ROBO2: variants seen among roughly 807,000 people sequenced by gnomAD.
ROBO2 encodes the protein roundabout homolog 2.
Under a neutral mutation model 160.8 loss-of-function variants are expected in ROBO2, and 53 were observed. The ratio of observed to expected loss-of-function variants is 0.33; its 90% confidence interval spans 0.26 to 0.41. The LOEUF is 0.41. Among genes scored for constraint, ROBO2 ranks in the 10% least tolerant of loss-of-function variants. ROBO2 has a pLI of 1.00. For synonymous variants in ROBO2, 664 were observed against 611.7 expected (o/e 1.09, Z -1.26); for missense variants, 1,577 against 1,722.4 (o/e 0.92, Z 1.49).
At chr3:77,534,887 T>A (rs1164554987) in intron 6 of ROBO2, among the ~76,000 whole-genome samples, 1 of 152,180 alleles carries the variant, frequency 6.6e-6, no homozygotes, top group Admixed American at 6.5e-5. Flanking sequence ...GGCACACAAA[T>A]GTTGGTGCAG....
At chr3:77,472,822 G>T (rs1582246225) in intron 2 of ROBO2, among the ~76,000 whole-genome samples, 1 of 152,150 alleles carries the variant, frequency 6.6e-6, no homozygotes, top group South Asian at 2.1e-4. Context: ...TCTGAAAGAT[G>T]AAAGATAAAT....
intron 2 of ROBO2, among the ~76,000 whole-genome samples, chr3:76,770,095 T>G (rs2061797452): frequency 6.6e-6 from 1 of 151,488 alleles, no homozygotes; most frequent in Non-Finnish European, 1.5e-5. Flanking sequence ...CTTTTTAAAT[T>G]ACCATCATGT....
chr3:76,421,556 G>A (rs56911591), intron 2 of ROBO2, among the ~76,000 whole-genome samples: 3 of 150,738 alleles, frequency 2.0e-5, no homozygotes, highest in Non-Finnish European at 2.9e-5. Flanking sequence ...GAGAAACCCC[G>A]TCTCCACTAA....
At chr3:76,508,460 T>C (rs2080908676) in intron 2 of ROBO2, among the ~76,000 whole-genome samples, 1 of 152,178 alleles carries the variant, frequency 6.6e-6, no homozygotes, top group Admixed American at 6.6e-5. Flanking sequence ...CTACTCAATC[T>C]ATTTTCTCCT....
At chr3:77,270,244 A>G (rs1365880305) in intron 2 of ROBO2, among the ~76,000 whole-genome samples, 5 of 152,196 alleles carry the variant, frequency 3.3e-5, no homozygotes, top group African/African-American at 9.6e-5. Context: ...TAAAACACCT[A>G]TGGCTGTTGG....
intron 2 of ROBO2, among the ~76,000 whole-genome samples, chr3:75,944,730 T>G (rs989991455): frequency 1.3e-5 from 2 of 152,224 alleles, no homozygotes; most frequent in African/African-American, 4.8e-5. Flanking sequence ...TATCAAAGCA[T>G]GAACTGTTTT....
chr3:76,205,845 G>A (rs1702776867), intron 2 of ROBO2, among the ~76,000 whole-genome samples: 1 of 152,106 alleles, frequency 6.6e-6, no homozygotes, highest in Non-Finnish European at 1.5e-5. Flanking sequence ...GTCACTGATA[G>A]AAAAGGAAGC....
chr3:76,995,936 G>A (rs1167539764), intron 2 of ROBO2, among the ~76,000 whole-genome samples: 2 of 152,140 alleles, frequency 1.3e-5, no homozygotes, highest in African/African-American at 2.4e-5. Flanking sequence ...CTTTTGCTGT[G>A]CAGAAGCTCT....
chr3:76,424,222 T>C (rs1401840437), intron 2 of ROBO2, among the ~76,000 whole-genome samples: 1 of 152,198 alleles, frequency 6.6e-6, no homozygotes, highest in Non-Finnish European at 1.5e-5. Flanking sequence ...ACTTATACGT[T>C]TAAATTATGC....
At chr3:77,511,458 C>T in intron 5 of ROBO2, among the ~76,000 whole-genome samples, 1 of 151,974 alleles carries the variant, frequency 6.6e-6, no homozygotes, top group East Asian at 1.9e-4. Context: ...GTCTTTTGGG[C>T]CTAGTTACCT....
At chr3:77,530,007 T>C (rs1383604000) in intron 6 of ROBO2, among the ~76,000 whole-genome samples, 1 of 151,914 alleles carries the variant, frequency 6.6e-6, no homozygotes, top group Non-Finnish European at 1.5e-5. Context: ...GGTCAAAAAG[T>C]ATAAGCCAAG....
At chr3:76,021,524 C>T (rs2066574009) in intron 2 of ROBO2, among the ~76,000 whole-genome samples, 1 of 151,680 alleles carries the variant, frequency 6.6e-6, no homozygotes, top group Non-Finnish European at 1.5e-5. Context: ...GATATACAGG[C>T]GTACCTTGGA....
intron 2 of ROBO2, among the ~76,000 whole-genome samples, chr3:77,451,921 C>T (rs2081156291): frequency 1.3e-5 from 2 of 152,040 alleles, no homozygotes; most frequent in Non-Finnish European, 2.9e-5. Context: ...TATCCCTCCC[C>T]CAACCATCCC....
intron 16 of ROBO2, among the ~76,000 whole-genome samples, chr3:77,583,324 C>T (rs2153679318): frequency 6.6e-6 from 1 of 151,840 alleles, no homozygotes; most frequent in African/African-American, 2.4e-5. Context: ...TTAAAGTTGT[C>T]CCTGTTTCTT....
chr3:77,396,008 C>T (rs2075249039), intron 2 of ROBO2, among the ~76,000 whole-genome samples: 1 of 150,282 alleles, frequency 6.7e-6, no homozygotes, highest in African/African-American at 2.4e-5. Context: ...TTTTGATATC[C>T]AAATAACCAA....
intron 2 of ROBO2, among the ~76,000 whole-genome samples, chr3:76,733,976 G>A (rs761927762): frequency 1.8e-4 from 28 of 152,052 alleles, no homozygotes; most frequent in Non-Finnish European, 2.5e-4. Context: ...AGCATCTATC[G>A]TTATATTTTC....
At position 77,078,261 on chromosome 3, in the gene ROBO2, C is replaced by G. The variant is rs116051809; in HGVS notation, c.62-19753C>G. On this transcript the variant is annotated intron_variant, in intron 1 of 25. Coordinates refer to ENST00000461745, the Ensembl canonical transcript of ROBO2. ...TCCAGTTTAAAAACATATTTGAAAA[C>G]TTACAATGTAAACAAAACACTCCTA... Among the ~76,000 whole-genome samples the G allele has an allele frequency of 3.1e-3, 468 of 152,288 alleles. 4 individuals are homozygous for G. The highest frequency in any genetic ancestry group is 0.014 in the Middle Eastern group (4 of 292).
At chr3:76,185,582 G>C (rs1701724911) in intron 2 of ROBO2, among the ~76,000 whole-genome samples, 1 of 151,952 alleles carries the variant, frequency 6.6e-6, no homozygotes, top group Non-Finnish European at 1.5e-5. Flanking sequence ...CAAATAGACA[G>C]AGAGAGCATT....
chr3:76,899,477 G>A (rs774574410), intron 2 of ROBO2, among the ~76,000 whole-genome samples: 1 of 152,106 alleles, frequency 6.6e-6, no homozygotes, highest in Non-Finnish European at 1.5e-5. Context: ...TTCCAAACAT[G>A]TGAATATTAT....
Sources: gnomAD v4.1 joint callset for allele counts (sites outside exome capture counted in the v4.1 genomes callset) on GRCh38, gnomAD v4.1.1 for gene constraint, MANE v1.5 for transcripts, NCBI Gene and HGNC (gene_info 2026-07-23, HGNC 2026-07-21) for gene names.